ERC1: variants seen among roughly 807,000 people sequenced by gnomAD.
ERC1 encodes the protein RAB6 interacting protein 2.
In ERC1, 56 loss-of-function variants were observed where a neutral mutation model predicts 132.0. That is an observed-to-expected ratio of 0.42 (90% CI 0.34 to 0.53). The LOEUF (loss-of-function observed/expected upper bound fraction) is 0.53, where lower values mean the gene tolerates loss of function less well. Among genes scored for constraint, ERC1 ranks in the 20% least tolerant of loss-of-function variants. The pLI is 0.03. For missense variants in ERC1, 1,202 were observed against 1,349.9 expected (o/e 0.89, Z 1.72); for synonymous variants, 478 against 476.1 (o/e 1.00, Z -0.05).
chr12:1,113,554 CATTT>C, intron 6 of ERC1, among the ~76,000 whole-genome samples: 1 of 152,102 alleles, frequency 6.6e-6, no homozygotes, highest in African/African-American at 2.4e-5. Context: ...AAAAATACAG[CATTT>C]AAAAAACCAA....
At chr12:1,487,628 G>A (rs1000334717) in intron 18 of ERC1, among the ~76,000 whole-genome samples, 2 of 151,686 alleles carry the variant, frequency 1.3e-5, no homozygotes, top group Admixed American at 6.6e-5. Context: ...GCTGCAGCAG[G>A]AAGATCACAT....
rs1397440277 is a variant in ERC1 at position 1,277,543 on chromosome 12, C to A, written c.2620-12309C>A. The stretch of plus-strand genomic sequence containing the variant: ...TCTTAACATATCCTAAATTCATTTT[C>A]TTTGCTTGCTCTTATAAGTCTTAAC... On this transcript the variant is annotated intron_variant, in intron 14 of 18. Transcript: ENST00000360905. 2.0e-5 allele frequency among the ~76,000 whole-genome samples: 3 copies of A among 152,124 alleles called. No homozygotes were observed. The East Asian group carries it at 5.8e-4, about 29-fold the overall frequency.
intron 18 of ERC1, among the ~76,000 whole-genome samples, chr12:1,488,099 C>T (rs868523968): frequency 1.3e-5 from 2 of 148,470 alleles, no homozygotes; most frequent in Non-Finnish European, 3.0e-5. Context: ...GATCGCGCCA[C>T]TGCACTCCAG....
intron 16 of ERC1, among the ~76,000 whole-genome samples, chr12:1,378,210 G>A (rs560039022): frequency 6.6e-6 from 1 of 152,216 alleles, no homozygotes; most frequent in South Asian, 2.1e-4. Flanking sequence ...TTTAAGAAAA[G>A]GCTCAAATTT....
intron 1 of ERC1, among the ~76,000 whole-genome samples, chr12:996,515 A>G (rs1960941059): frequency 6.6e-6 from 1 of 151,886 alleles, no homozygotes; most frequent in African/African-American, 2.4e-5. Context: ...CCAGGAGATC[A>G]AGGCTGTAGT....
At chr12:1,326,473 C>G (rs2082452167) in intron 15 of ERC1, among the ~76,000 whole-genome samples, 2 of 152,312 alleles carry the variant, frequency 1.3e-5, no homozygotes, top group South Asian at 4.1e-4. Flanking sequence ...AGGATGCAAA[C>G]TAAGTTTTGA....
At chr12:1,254,819 C>T (rs941607574) in intron 13 of ERC1, among the ~76,000 whole-genome samples, 1 of 152,110 alleles carries the variant, frequency 6.6e-6, no homozygotes, top group Non-Finnish European at 1.5e-5. Flanking sequence ...AAATAATAAT[C>T]GTACGTATGT....
intron 2 of ERC1, among the ~76,000 whole-genome samples, chr12:1,075,740 AAAAG>A (rs1347172931): frequency 1.6e-4 from 25 of 152,308 alleles, no homozygotes; most frequent in Middle Eastern, 3.4e-3. Flanking sequence ...AAAAGAAAAA[AAAAG>A]AAAATCACAA....
intron 16 of ERC1, among the ~76,000 whole-genome samples, chr12:1,372,269 C>A (rs1463285821): frequency 6.6e-6 from 1 of 151,944 alleles, no homozygotes; most frequent in East Asian, 1.9e-4. Context: ...GCCCATTTGA[C>A]ATGAAAAGGC....
At chr12:1,415,360 T>C (rs776604797) in intron 17 of ERC1, among the ~76,000 whole-genome samples, 28 of 152,232 alleles carry the variant, frequency 1.8e-4, no homozygotes, top group Non-Finnish European at 3.7e-4. Context: ...ATGGCCTGCC[T>C]ATTAGATCAG....
intron 17 of ERC1, among the ~76,000 whole-genome samples, chr12:1,437,634 C>T (rs1363628680): frequency 6.6e-6 from 1 of 152,204 alleles, no homozygotes; most frequent in African/African-American, 2.4e-5. Context: ...AGGCAGAATG[C>T]AGTTAGCAGC....
chr12:1,125,085 CTCAAGT>C (rs1948006685), intron 7 of ERC1, among the ~76,000 whole-genome samples: 1 of 152,078 alleles, frequency 6.6e-6, no homozygotes, highest in Admixed American at 6.5e-5. Context: ...ACCTCCACCT[CTCAAGT>C]TCATGTGATT....
At chr12:1,325,850 G>A (rs73036639) in intron 15 of ERC1, among the ~76,000 whole-genome samples, 5,266 of 151,716 alleles carry the variant, frequency 0.035, 96 homozygotes, top group Middle Eastern at 0.075. Context: ...ATTCCTTTTT[G>A]CTTCTCCAAA....
rs1045039698 is a variant in ERC1 at position 1,026,481 on chromosome 12, C to T, written c.-156-1267C>T. Among the ~76,000 whole-genome samples, 13 of 152,138 alleles carry T rather than the reference C, an allele frequency of 8.5e-5. No individual in the cohort carries two copies. In the East Asian group the frequency reaches 1.7e-3, roughly 20 times the overall value. Reference sequence around the variant, plus strand: ...TCTTGGGCTAGTACTATACAGTTTTCGTTATTATAGTTTTACAAGGCTACA... The same window carrying T: ...TCTTGGGCTAGTACTATACAGTTTTTGTTATTATAGTTTTACAAGGCTACA... On this transcript the variant is annotated intron_variant, in intron 1 of 18. Coordinates refer to ENST00000360905, the MANE Select transcript of ERC1 (RefSeq NM_178040.4).
At chr12:1,204,627 A>T in intron 12 of ERC1, 1 of 956,894 alleles carries the variant, frequency 1.0e-6, no homozygotes, top group Non-Finnish European at 1.6e-6. Context: ...CTAGAAATCT[A>T]GCTGTGAGGA....
At chr12:1,488,506 A>G (rs577384576) in intron 18 of ERC1, among the ~76,000 whole-genome samples, 103 of 152,282 alleles carry the variant, frequency 6.8e-4, no homozygotes, top group Non-Finnish European at 1.3e-3. Flanking sequence ...CGTAGGCAAT[A>G]TAGACTCCCA....
intron 2 of ERC1, among the ~76,000 whole-genome samples, chr12:1,029,430 G>T (rs942745044): frequency 3.3e-5 from 5 of 152,286 alleles, no homozygotes; most frequent in African/African-American, 1.2e-4. Context: ...ATTCATGGAA[G>T]TTTAACTTCA....
chr12:1,001,586 G>A (rs1490755371), intron 1 of ERC1, among the ~76,000 whole-genome samples: 1 of 152,160 alleles, frequency 6.6e-6, no homozygotes, highest in Non-Finnish European at 1.5e-5. Context: ...TTTTTTGTGT[G>A]TGTAGACCTT....
chr12:1,441,146 C>T (rs991784058), intron 17 of ERC1, among the ~76,000 whole-genome samples: 10 of 152,114 alleles, frequency 6.6e-5, no homozygotes, highest in Admixed American at 2.6e-4. Flanking sequence ...GCAACCTCCC[C>T]TTTTCAGGTT....
Sources: gnomAD v4.1 joint callset for allele counts (sites outside exome capture counted in the v4.1 genomes callset) on GRCh38, gnomAD v4.1.1 for gene constraint, MANE v1.5 for transcripts, NCBI Gene and HGNC (gene_info 2026-07-23, HGNC 2026-07-21) for gene names.